SLC12A3: variants seen among roughly 807,000 people sequenced by gnomAD.
The protein encoded by SLC12A3 is solute carrier family 12 member 3.
Under a neutral mutation model 121.0 loss-of-function variants are expected in SLC12A3, and 104 were observed. The observed-to-expected ratio is 0.86, with a 90% CI of 0.73 to 1.01. The LOEUF (loss-of-function observed/expected upper bound fraction) is 1.01. SLC12A3 is among the 50% of genes least tolerant of loss of function. The probability of loss-of-function intolerance (pLI) is 0.00; values close to 1 mark genes in which losing one functional copy is unlikely to be tolerated. For synonymous variants in SLC12A3, 536 were observed against 533.4 expected (o/e 1.00, Z -0.07); for missense variants, 1,328 against 1,356.3 (o/e 0.98, Z 0.33).
chr16:56,913,555 C>T lies in SLC12A3; in HGVS notation c.*150C>T. On this transcript the variant is annotated 3_prime_UTR_variant, in exon 26 of 26. Transcript: ENST00000563236. ...CTCACCGAAAAAGATGGTAGATTTC[C>T]AAATCTGGCTGGACTCCACTTCCAT... 1.2e-6 allele frequency: 1 copy of T among 844,974 alleles called. No homozygotes were observed. Among genetic ancestry groups the T allele is most frequent in the Admixed American group, 1.9e-5 (1 of 53,892 alleles). The allele number at this position is 844,974 out of a possible 1,614,324, so 52.3% of individuals were successfully genotyped here. A position where few individuals can be genotyped will look rare whatever the true frequency, so the allele number is the denominator to read the frequency against.
Position 56,878,259 on chromosome 16 carries a change from G to A in SLC12A3, c.1180+98G>A. 3 of 939,382 alleles carry A rather than the reference G, an allele frequency of 3.2e-6. No individual in the cohort carries two copies. In the South Asian group the frequency reaches 4.0e-5, roughly 13 times the overall value. 58.2% of individuals were successfully genotyped at this position (939,382 alleles called of 1,614,324 possible). A position where few individuals can be genotyped will look rare whatever the true frequency, so the allele number is the denominator to read the frequency against. On this transcript the variant is annotated intron_variant, in intron 9 of 25. Coordinates refer to ENST00000563236, the MANE Select transcript of SLC12A3 (RefSeq NM_001126108.2). ...CCACTGGAGGGGATCAGAGGGTGGG[G>A]TTCGACTCTCTAACAACAGGGAGAG...
Position 56,890,297 on chromosome 16 carries a change from G to A in SLC12A3, c.2309G>A (p.Gly770Asp). Residue 770 changes from glycine to aspartate, a missense_variant, in exon 19 of 26, where the codon GGC (glycine) becomes GAC (aspartate). Physicochemically the swap from Gly to Asp is moderately conservative, Grantham distance 94. Transcript: ENST00000563236. ...ILHDAFDFNY[G>D]VCVMRMREGL... ...AGTGATGCCTTTGATTTCAACTATG[G>A]CGTGTGTGTCATGAGGATGCGGGAG... 1.9e-6 allele frequency: 3 copies of A among 1,614,160 alleles called. No individual in the cohort carries two copies. The highest frequency in any genetic ancestry group is 2.5e-6 in the Non-Finnish European group (3 of 1,180,024).
At chr16:56,865,594 A>C in intron 1 of SLC12A3, 77 bp downstream of exon 1, 7 of 1,506,728 alleles carry the variant, frequency 4.6e-6, no homozygotes, top group Non-Finnish European at 6.4e-6. Context: ...TCTGAGCCTC[A>C]GTTCTGTCAT....
At chr16:56,895,717 GT>G (rs2055453695) in intron 22 of SLC12A3, among the ~76,000 whole-genome samples, 1 of 151,900 alleles carries the variant, frequency 6.6e-6, no homozygotes, top group African/African-American at 2.4e-5. Context: ...TTTTGGGATG[GT>G]TCAAGCTCAT....
At chr16:56,866,926 C>T in intron 1 of SLC12A3, 144 bp from the exon 2 acceptor site, 1 of 1,100,978 alleles carries the variant, frequency 9.1e-7, no homozygotes, top group Non-Finnish European at 1.3e-6. Flanking sequence ...ATTTTAAAAG[C>T]CCCTCAAGCA....
Position 56,901,106 on chromosome 16 carries a change from G to A in SLC12A3, c.2721-1267G>A, listed in dbSNP as rs114249094. ...CTTGACAGTGATCCTTCTTGAGACC[G>A]TTCCTTCTTTTGGCTTCCAAGACAC... On this transcript the variant is annotated intron_variant, in intron 23 of 25. Coordinates refer to ENST00000563236, the MANE Select transcript of SLC12A3 (RefSeq NM_001126108.2). 7.2e-3 allele frequency among the ~76,000 whole-genome samples: 1,091 copies of A among 152,178 alleles called. 21 individuals carry two copies. Among genetic ancestry groups the A allele is most frequent in the African/African-American group, 0.025 (1,039 of 41,508 alleles).
intron 18 of SLC12A3, among the ~76,000 whole-genome samples, chr16:56,889,944 A>C (rs529141661): frequency 3.6e-4 from 55 of 152,274 alleles, no homozygotes; most frequent in African/African-American, 1.3e-3. Flanking sequence ...GCATCCATAG[A>C]ATGGAGGGAA....
intron 12 of SLC12A3, among the ~76,000 whole-genome samples, chr16:56,882,130 T>C (rs1567434696): frequency 2.0e-5 from 3 of 152,072 alleles, no homozygotes; most frequent in South Asian, 4.1e-4. Flanking sequence ...GGTCATCCCA[T>C]AGCCTGATGG....
chr16:56,890,299 G>A lies in SLC12A3; in HGVS notation c.2311G>A (p.Val771Met), dbSNP rs780742761. 1.4e-5 allele frequency: 22 copies of A among 1,614,020 alleles called. 1 individual carries two copies. Among genetic ancestry groups the A allele is most frequent in the South Asian group, 9.9e-5 (9 of 91,082 alleles). The change falls in exon 19 of 26, where the codon GTG (valine) becomes ATG (methionine). Residue 771 changes from valine (V) to methionine (M), a missense_variant. Physicochemically the swap from Val to Met is conservative, Grantham distance 21 (BLOSUM62 1). Coordinates refer to ENST00000563236, the MANE Select transcript of SLC12A3 (RefSeq NM_001126108.2). ...LHDAFDFNYGVCVMRMREGLN... is the reference protein window; with the variant it reads ...LHDAFDFNYGMCVMRMREGLN... Reference sequence around the variant, plus strand: ...TGATGCCTTTGATTTCAACTATGGCGTGTGTGTCATGAGGATGCGGGAGGG... The same window carrying A: ...TGATGCCTTTGATTTCAACTATGGCATGTGTGTCATGAGGATGCGGGAGGG...
At chr16:56,893,847 G>C (rs548516749) in intron 21 of SLC12A3, among the ~76,000 whole-genome samples, 11 of 152,054 alleles carry the variant, frequency 7.2e-5, no homozygotes, top group Non-Finnish European at 1.6e-4. Context: ...GCATGATGTC[G>C]GCTCACTGCA....
In SLC12A3 at chr16:56,894,574, G is replaced by A; in HGVS notation, c.2565G>A (p.Arg855=). The change falls in exon 22 of 26, where the codon AGG becomes AGA. Residue 855 remains arginine (R), a synonymous_variant. Transcript: ENST00000563236. ...LIPYLLGRKR[R]WSKCKIRVFV... Reference sequence around the variant, plus strand: ...CCTATCTCCTTGGCCGCAAGAGGAGGTGGAGCAAATGCAAGATCCGTGTGT... The same window carrying A: ...CCTATCTCCTTGGCCGCAAGAGGAGATGGAGCAAATGCAAGATCCGTGTGT... The A allele has an allele frequency of 6.2e-7, 1 of 1,614,142 alleles. No homozygotes were observed. Among genetic ancestry groups the A allele is most frequent in the Non-Finnish European group, 8.5e-7 (1 of 1,180,004 alleles).
intron 23 of SLC12A3, among the ~76,000 whole-genome samples, chr16:56,900,064 C>T (rs562304164): frequency 6.6e-6 from 1 of 152,132 alleles, no homozygotes; most frequent in Non-Finnish European, 1.5e-5. Flanking sequence ...TGTATTTTGT[C>T]AATCAGTGTG....
chr16:56,902,636 GT>G, intron 24 of SLC12A3, 128 bp downstream of exon 24: 1 of 1,164,782 alleles, frequency 8.6e-7, no homozygotes, highest in Non-Finnish European at 1.2e-6. Flanking sequence ...GGCCCCTGAG[GT>G]ATCCTCAAGC....
At chr16:56,897,270 A>T (rs1459103399) in intron 22 of SLC12A3, among the ~76,000 whole-genome samples, 3 of 152,148 alleles carry the variant, frequency 2.0e-5, no homozygotes, top group Non-Finnish European at 4.4e-5. Flanking sequence ...GGTTGGCTGG[A>T]GGATACAGAC....
At chr16:56,911,428 GATCCTCCCGCCTCAGC>G (rs111411179) in intron 25 of SLC12A3, among the ~76,000 whole-genome samples, 2,539 of 152,228 alleles carry the variant, frequency 0.017, 73 homozygotes, top group African/African-American at 0.057. Context: ...AGGCTCAAAC[GATCCTCCCGCCTCAGC>G]ATCCTGAGGA....
intron 25 of SLC12A3, chr16:56,906,817 G>A (rs2144778344): frequency 2.9e-6 from 2 of 694,970 alleles, no homozygotes; most frequent in Non-Finnish European, 2.6e-6. Flanking sequence ...GCAAGACATG[G>A]CCTGTATGAG....
chr16:56,904,959 G>A, intron 25 of SLC12A3: 1 of 236,200 alleles, frequency 4.2e-6, no homozygotes, highest in Non-Finnish European at 8.5e-6. Flanking sequence ...GTATTAGCCA[G>A]GGCTGAGCAA....
chr16:56,870,152 G>A lies in SLC12A3; in HGVS notation c.658G>A (p.Gly220Ser), dbSNP rs1237454231. The change falls in exon 5 of 26, where the codon GGC (glycine) becomes AGC (serine). Residue 220 changes from glycine (G) to serine (S), a missense_variant. Transcript: ENST00000563236. ...GGGCCCAGAGCTTGGGGGCTCCATC[G>A]GCCTCATTTTCGCTTTCGCCAATGC... Reference protein sequence around the residue: ...SLGPELGGSIGLIFAFANAVG... With the variant: ...SLGPELGGSISLIFAFANAVG... The A allele has an allele frequency of 1.2e-6, 2 of 1,613,928 alleles. No homozygotes were observed. Among genetic ancestry groups the A allele is most frequent in the African/African-American group, 1.3e-5 (1 of 74,934 alleles).
intron 6 of SLC12A3, 99 bp from the exon 7 acceptor site, chr16:56,872,252 T>C: frequency 1.3e-6 from 1 of 793,914 alleles, no homozygotes; most frequent in Non-Finnish European, 2.2e-6. Context: ...AGTGAGTGAA[T>C]AATGGAGAAA....
Sources: allele counts gnomAD v4.1 joint callset (sites outside exome capture counted in the v4.1 genomes callset), GRCh38; gene constraint gnomAD v4.1.1; transcripts MANE v1.5; gene names NCBI Gene and HGNC (gene_info 2026-07-23, HGNC 2026-07-21).